The following KCNT2 variants were observed in gnomAD, a reference collection of about 807,000 sequenced individuals.
KCNT2 encodes potassium channel subfamily T member 2.
Under a neutral mutation model 153.8 loss-of-function variants are expected in KCNT2, and 67 were observed. The observed-to-expected ratio is 0.44, with a 90% CI of 0.36 to 0.53. KCNT2 has a LOEUF of 0.53. Among genes scored for constraint, KCNT2 ranks in the 20% least tolerant of loss-of-function variants. The pLI is 0.00. For missense variants in KCNT2, 975 were observed against 1,354.8 expected, an observed-to-expected ratio of 0.72 and a Z score of 4.40; for synonymous variants, 500 against 458.8, an observed-to-expected ratio of 1.09 and a Z score of -1.15.
chr1:196,418,046 C>T (rs190760469), intron 12 of KCNT2, among the ~76,000 whole-genome samples: 2 of 152,194 alleles, frequency 1.3e-5, no homozygotes, highest in East Asian at 3.9e-4. Flanking sequence ...CATAGAACAG[C>T]ATGTTGAGTG....
intron 26 of KCNT2, among the ~76,000 whole-genome samples, chr1:196,252,849 A>AT (rs1331098312): frequency 2.7e-5 from 4 of 150,540 alleles, no homozygotes; most frequent in Admixed American, 6.6e-5. Context: ...TAGGTGGGCT[A>AT]TTTTTTTTCC....
chr1:196,558,137 T>C lies in KCNT2; in HGVS notation c.95+50078A>G, dbSNP rs979713918. On this transcript the variant is annotated intron_variant, in intron 1 of 27. Transcript: ENST00000294725. ...TTAAGATAGAGTGAATTATTGATTC[T>C]TATTACTAATTAGAAAATGACACAA... Among the ~76,000 whole-genome samples the C allele has an allele frequency of 2.0e-5, 3 of 151,368 alleles. No individual in the cohort carries two copies. In the Admixed American group the frequency reaches 2.0e-4, roughly 10 times the overall value.
At chr1:196,567,165 C>T (rs902619734) in intron 1 of KCNT2, among the ~76,000 whole-genome samples, 9 of 152,044 alleles carry the variant, frequency 5.9e-5, no homozygotes, top group African/African-American at 2.2e-4. Context: ...ACAGTTCACT[C>T]TATATTTCAG....
chr1:196,341,795 G>T (rs1161606183), intron 15 of KCNT2, among the ~76,000 whole-genome samples: 3 of 151,794 alleles, frequency 2.0e-5, no homozygotes, highest in Non-Finnish European at 4.4e-5. Flanking sequence ...CTGTGAAGAA[G>T]ATTTTCATAT....
At chr1:196,341,556 C>G (rs1665632247) in intron 15 of KCNT2, among the ~76,000 whole-genome samples, 1 of 151,508 alleles carries the variant, frequency 6.6e-6, no homozygotes, top group Non-Finnish European at 1.5e-5. Context: ...ATGTTATTTT[C>G]ATTATATACA....
chr1:196,237,062 G>A (rs1367693022), intron 26 of KCNT2, among the ~76,000 whole-genome samples: 1 of 151,498 alleles, frequency 6.6e-6, no homozygotes, highest in Non-Finnish European at 1.5e-5. Flanking sequence ...CAAAGTCTAA[G>A]AATAAGTTTC....
chr1:196,504,137 G>T (rs1411590677), intron 1 of KCNT2, among the ~76,000 whole-genome samples: 1 of 151,928 alleles, frequency 6.6e-6, no homozygotes, highest in Admixed American at 6.6e-5. Flanking sequence ...ACAATGTGCA[G>T]GTTAGTTACA....
intron 13 of KCNT2, among the ~76,000 whole-genome samples, chr1:196,387,485 AT>A (rs1361977348): frequency 6.6e-6 from 1 of 151,756 alleles, no homozygotes; most frequent in African/African-American, 2.4e-5. Flanking sequence ...TGATGCCTGC[AT>A]TTTTTTCCCT....
intron 14 of KCNT2, among the ~76,000 whole-genome samples, chr1:196,372,359 T>A (rs1381670794): frequency 6.6e-6 from 1 of 151,970 alleles, no homozygotes; most frequent in Non-Finnish European, 1.5e-5. Flanking sequence ...TTACTTAATA[T>A]GAGTAATCAT....
intron 3 of KCNT2, among the ~76,000 whole-genome samples, chr1:196,485,308 C>G (rs766959718): frequency 1.3e-5 from 2 of 151,408 alleles, no homozygotes; most frequent in Admixed American, 1.3e-4. Context: ...GATTGGGGGG[C>G]GAGGGGAAGG....
chr1:196,408,171 C>T (rs1671988939), intron 12 of KCNT2, among the ~76,000 whole-genome samples: 2 of 151,646 alleles, frequency 1.3e-5, no homozygotes, highest in South Asian at 4.1e-4. Flanking sequence ...AAGCTCTTTT[C>T]ACTACATGGG....
chr1:196,420,654 T>C (rs990252519), intron 12 of KCNT2, among the ~76,000 whole-genome samples: 18 of 152,000 alleles, frequency 1.2e-4, no homozygotes, highest in African/African-American at 4.3e-4. Flanking sequence ...GCATTTTATC[T>C]TGTGTTGAAC....
At chr1:196,281,407 G>A (rs1173307205) in intron 24 of KCNT2, among the ~76,000 whole-genome samples, 1 of 152,154 alleles carries the variant, frequency 6.6e-6, no homozygotes, top group South Asian at 2.1e-4. Context: ...AATAACTGGA[G>A]GCTGACACTG....
intron 1 of KCNT2, among the ~76,000 whole-genome samples, chr1:196,520,151 C>T (rs745812835): frequency 2.0e-5 from 3 of 151,988 alleles, no homozygotes; most frequent in Admixed American, 6.6e-5. Context: ...GTTGGTTTAA[C>T]GTATGTAAAT....
At chr1:196,244,540 T>C (rs973493902) in intron 26 of KCNT2, among the ~76,000 whole-genome samples, 1 of 152,104 alleles carries the variant, frequency 6.6e-6, no homozygotes, top group Non-Finnish European at 1.5e-5. Flanking sequence ...GGGCCTTGAA[T>C]GAACATTGAC....
chr1:196,275,333 T>G (rs534846796), intron 25 of KCNT2, among the ~76,000 whole-genome samples: 1 of 151,792 alleles, frequency 6.6e-6, no homozygotes, highest in African/African-American at 2.4e-5. Context: ...TAATTATGAA[T>G]GGGCAGTTCC....
chr1:196,531,525 ATACT>A (rs1436595934), intron 1 of KCNT2, among the ~76,000 whole-genome samples: 1 of 152,120 alleles, frequency 6.6e-6, no homozygotes, highest in Non-Finnish European at 1.5e-5. Flanking sequence ...TGTATAGGAA[ATACT>A]TAATATAGAA....
At chr1:196,284,248 A>AAAAAAAAAAAAATATATATATAT in intron 23 of KCNT2, among the ~76,000 whole-genome samples, 1 of 10,048 alleles carries the variant, frequency 1.0e-4, no homozygotes, top group African/African-American at 1.4e-4. Context: ...AAAAAAAAAA[A>AAAAAAAAAAAAATATATATATAT]ATATATATAT....
intron 1 of KCNT2, among the ~76,000 whole-genome samples, chr1:196,603,412 A>G (rs1375624365): frequency 1.3e-5 from 2 of 152,178 alleles, no homozygotes; most frequent in Non-Finnish European, 2.9e-5. Context: ...TTTATAATGG[A>G]GATAAAGTTA....
Sources: gnomAD v4.1 joint callset for allele counts (sites outside exome capture counted in the v4.1 genomes callset) on GRCh38, gnomAD v4.1.1 for gene constraint, MANE v1.5 for transcripts, NCBI Gene and HGNC (gene_info 2026-07-23, HGNC 2026-07-21) for gene names.